AP2A1: variants seen among roughly 807,000 people sequenced by gnomAD.
The protein encoded by AP2A1 is adaptor related protein complex 2 subunit alpha 1.
A neutral mutation model predicts 107.3 loss-of-function variants in AP2A1; 21 were observed. The ratio of observed to expected loss-of-function variants is 0.20; its 90% confidence interval spans 0.14 to 0.28. AP2A1 has a LOEUF of 0.28. Among genes scored for constraint, AP2A1 ranks in the 10% least tolerant of loss-of-function variants. The pLI is 1.00. For missense variants in AP2A1, 873 were observed against 1,307.7 expected (o/e 0.67, Z 5.13); for synonymous variants, 602 against 564.8 (o/e 1.07, Z -0.93).
In AP2A1 at chr19:49,772,550, C is replaced by T. The variant is rs556905534; in HGVS notation, c.67+5350C>T. ...TCGCTCTGTCCCCCAGGCTGGAGTG[C>T]GGTGGTGCGATCTCGGCTCACTGCA... On this transcript the variant is annotated intron_variant, in intron 1 of 22. Transcript: ENST00000354293. 5.3e-5 allele frequency among the ~76,000 whole-genome samples: 8 copies of T among 150,804 alleles called. No homozygotes were observed. In the South Asian group the frequency reaches 1.3e-3, roughly 24 times the overall value.
At chr19:49,796,159 C>CGAGA in intron 7 of AP2A1, 1 of 194,260 alleles carries the variant, frequency 5.1e-6, no homozygotes. Flanking sequence ...TGTTGGGAAC[C>CGAGA]TTCCCCTACT....
intron 18 of AP2A1, 38 bp from the exon 19 acceptor site, chr19:49,805,415 A>C (rs753409382): frequency 6.7e-7 from 1 of 1,502,422 alleles, no homozygotes; most frequent in African/African-American, 1.4e-5. Flanking sequence ...CCGGGGGCCC[A>C]CCTCCTCTGT....
At chr19:49,783,925 AG>A (rs1286076360) in intron 4 of AP2A1, among the ~76,000 whole-genome samples, 1 of 152,216 alleles carries the variant, frequency 6.6e-6, no homozygotes, top group Non-Finnish European at 1.5e-5. Flanking sequence ...GTAGTCCAAA[AG>A]CCCCTAAGTC....
At chr19:49,802,508 G>T (rs1215040782) in intron 15 of AP2A1, 3 of 1,603,560 alleles carry the variant, frequency 1.9e-6, no homozygotes, top group Non-Finnish European at 1.7e-6. Context: ...GTCTTCTCTT[G>T]TCTGCTCTGG....
Position 49,767,003 on chromosome 19 carries a change from CAGCCAG to C in AP2A1, c.-130_-125del. 25 of 932,018 alleles carry C rather than the reference CAGCCAG, an allele frequency of 2.7e-5. No homozygotes were observed. Among genetic ancestry groups the C allele is most frequent in the Middle Eastern group, 3.8e-4 (1 of 2,662 alleles). The allele number at this position is 932,018 out of a possible 1,614,324, so 57.7% of individuals were successfully genotyped here. A position where few individuals can be genotyped will look rare whatever the true frequency, so the allele number is the denominator to read the frequency against. On this transcript the variant is annotated 5_prime_UTR_variant, in exon 1 of 23. Transcript: ENST00000354293. ...CCTGCCAGCCCGCCCGCCCGCCCGC[CAGCCAG>C]CCCTCCCCGCGGCCGGCTCGGCTCC...
At position 49,767,038 on chromosome 19, in the gene AP2A1, G is replaced by T; in HGVS notation, c.-96G>T. The T allele has an allele frequency of 7.5e-7, 1 of 1,332,812 alleles. No homozygotes were observed. Among genetic ancestry groups the T allele is most frequent in the Non-Finnish European group, 9.9e-7 (1 of 1,009,058 alleles). 82.6% of individuals were successfully genotyped at this position (1,332,812 alleles called of 1,614,324 possible). On this transcript the variant is annotated 5_prime_UTR_variant, in exon 1 of 23. Coordinates refer to ENST00000354293, the MANE Select transcript of AP2A1 (RefSeq NM_130787.3). ...TCCCCGCGGCCGGCTCGGCTCCTTG[G>T]CGCTGCCTGGGGTCCTTTCCGCCCG...
intron 5 of AP2A1, 126 bp downstream of exon 5, chr19:49,792,190 C>T: frequency 9.5e-7 from 1 of 1,057,624 alleles, no homozygotes. Context: ...CACCTCAGCC[C>T]ACGCACCCCC....
intron 7 of AP2A1, 112 bp downstream of exon 7, chr19:49,795,850 T>C (rs371213143): frequency 1.5e-4 from 130 of 862,218 alleles, no homozygotes; most frequent in African/African-American, 9.1e-4. Context: ...AGGATTTCTC[T>C]GAAGCTGGGG....
At chr19:49,805,969 C>G in intron 21 of AP2A1, 28 bp downstream of exon 21, 1 of 1,613,450 alleles carries the variant, frequency 6.2e-7, no homozygotes, top group Non-Finnish European at 8.5e-7. Context: ...TGTTTGCCGG[C>G]CTATGGCTGC....
rs368863448 is a variant in AP2A1 at position 49,801,858 on chromosome 19, A to G, written c.1922A>G (p.Asn641Ser). The change falls in exon 14 of 23, where the codon AAC becomes AGC. Residue 641 changes from asparagine (N) to serine (S), a missense_variant. Around this residue, in one of 4 missense-constraint regions of AP2A1, gnomAD observed 416 missense variants for 473.4 expected, o/e 0.88. Transcript: ENST00000354293. ...GRRDPSSNDI[N>S]GGMEPTPSTV... ...AGGGACCCCAGCAGCAACGACATCA[A>G]CGGGGGCATGGAGCCCACCCCCAGC... is the stretch of plus-strand genomic sequence containing the variant. 5.9e-5 allele frequency: 89 copies of G among 1,504,584 alleles called. No homozygotes were observed. In the African/African-American group the frequency reaches 9.7e-4, roughly 16 times the overall value. The allele number at this position is 1,504,584 out of a possible 1,614,324, so 93.2% of individuals were successfully genotyped here. A position where few individuals can be genotyped will look rare whatever the true frequency, so the allele number is the denominator to read the frequency against.
At position 49,785,312 on chromosome 19, in the gene AP2A1, G is replaced by T. The variant is rs1346060879; in HGVS notation, c.473+2588G>T. On this transcript the variant is annotated intron_variant, in intron 4 of 22. Coordinates refer to ENST00000354293, the MANE Select transcript of AP2A1 (RefSeq NM_130787.3). This position sits in a 1 kb window ranked among gnomAD's most constrained non-coding sequence, Gnocchi z 4.1. Reference sequence around the variant, plus strand: ...CAGAGCTCGCGGTGGCTTGGACCAGGGCTGTGGCGGTCATGTGGTTATGAG... The same window carrying T: ...CAGAGCTCGCGGTGGCTTGGACCAGTGCTGTGGCGGTCATGTGGTTATGAG... Among the ~76,000 whole-genome samples the T allele has an allele frequency of 6.6e-6, 1 of 152,156 alleles. No homozygotes were observed. Among genetic ancestry groups the T allele is most frequent in the African/African-American group, 2.4e-5 (1 of 41,436 alleles).
At chr19:49,784,219 G>A (rs2084710978) in intron 4 of AP2A1, among the ~76,000 whole-genome samples, 1 of 152,060 alleles carries the variant, frequency 6.6e-6, no homozygotes, top group Non-Finnish European at 1.5e-5. Context: ...CTGAGGTCAG[G>A]AGTTCGAGAC....
chr19:49,779,442 G>A (rs1402980130), intron 1 of AP2A1, among the ~76,000 whole-genome samples: 1 of 136,578 alleles, frequency 7.3e-6, no homozygotes, highest in Non-Finnish European at 1.5e-5. Context: ...GGAGGCAGAG[G>A]TTGCAGTGAG....
intron 6 of AP2A1, among the ~76,000 whole-genome samples, chr19:49,794,117 A>G (rs1011007259): frequency 9.3e-5 from 14 of 150,070 alleles, no homozygotes; most frequent in African/African-American, 3.4e-4. Flanking sequence ...AGCCAGGATG[A>G]TCTCGATCTC....
In AP2A1 at chr19:49,800,985, G is replaced by A. The variant is rs1175399214; in HGVS notation, c.1480G>A (p.Glu494Lys). 2 of 1,604,432 alleles carry A rather than the reference G, an allele frequency of 1.2e-6. No homozygotes were observed. The highest frequency in any genetic ancestry group is 1.1e-5 in the South Asian group (1 of 88,982). The change falls in exon 12 of 23, where the codon GAG (glutamate) becomes AAG (lysine). Residue 494 changes from glutamate to lysine, a missense_variant. This residue lies in a region of AP2A1 where 213 missense variants were observed against 443.5 expected (regional missense o/e 0.48). Transcript: ENST00000354293. ...FEALQAPACH[E>K]NMVKVGGYIL... ...GGCGCTCCAGGCCCCTGCCTGTCAC[G>A]AGAACATGGTGAAGGTTGGCGGCTA...
Position 49,806,144 on chromosome 19 carries a change from T to G in AP2A1, c.2681T>G (p.Leu894Arg). The change falls in exon 22 of 23, where the codon CTG becomes CGG. Residue 894 changes from leucine (L) to arginine (R), a missense_variant. Leu to Arg is a moderately radical substitution (Grantham distance 102). This residue lies in a region of AP2A1 where 416 missense variants were observed against 473.4 expected (regional missense o/e 0.88). Coordinates refer to ENST00000354293, the MANE Select transcript of AP2A1 (RefSeq NM_130787.3). ...AKLLGFGSAL[L>R]DNVDPNPENF... ...CTTCTGGGGTTTGGCTCTGCTCTCC[T>G]GGACAATGTGGACCCCAACCCTGAG... 6.4e-7 allele frequency: 1 copy of G among 1,571,082 alleles called. No homozygotes were observed. Among genetic ancestry groups the G allele is most frequent in the Non-Finnish European group, 8.6e-7 (1 of 1,158,604 alleles).
chr19:49,802,307 C>T (rs1208451435), intron 15 of AP2A1, 166 bp downstream of exon 15: 1 of 826,012 alleles, frequency 1.2e-6, no homozygotes, highest in Non-Finnish European at 2.0e-6. Flanking sequence ...GCCCCAGCCT[C>T]CCTGCTCACG....
intron 15 of AP2A1, 125 bp downstream of exon 15, chr19:49,802,266 G>A (rs1459488997): frequency 4.7e-6 from 4 of 843,052 alleles, no homozygotes; most frequent in East Asian, 5.3e-5. Flanking sequence ...CCATCCTGAT[G>A]CCTTCGCCAG....
intron 1 of AP2A1, among the ~76,000 whole-genome samples, chr19:49,775,519 T>C (rs1208822513): frequency 6.6e-6 from 1 of 152,178 alleles, no homozygotes; most frequent in Non-Finnish European, 1.5e-5. Context: ...TTTGCCATGT[T>C]GGCCAGGCTG....
Sources: allele counts gnomAD v4.1 joint callset (sites outside exome capture counted in the v4.1 genomes callset), GRCh38; gene constraint gnomAD v4.1.1; regional missense constraint gnomAD v4.1.1; non-coding constraint Gnocchi (gnomAD v3.1); transcripts MANE v1.5; gene names NCBI Gene and HGNC (gene_info 2026-07-23, HGNC 2026-07-21).